The following OPA1 variants were observed in gnomAD, a reference collection of about 807,000 sequenced individuals.
OPA1 encodes the protein OPA1 mitochondrial dynamin like GTPase.
In OPA1, 59 loss-of-function variants were observed where a neutral mutation model predicts 152.9. The ratio of observed to expected loss-of-function variants is 0.39; its 90% CI spans 0.31 to 0.48. The LOEUF (loss-of-function observed/expected upper bound fraction) is 0.48. OPA1 is among the 20% of genes least tolerant of loss of function. The probability of loss-of-function intolerance (pLI) is 0.96; values close to 1 mark genes in which losing one functional copy is unlikely to be tolerated. For synonymous variants in OPA1, 400 were observed against 389.9 expected, an observed-to-expected ratio of 1.03 and a Z score of -0.31; for missense variants, 1,008 against 1,216.8, an observed-to-expected ratio of 0.83 and a Z score of 2.55.
intron 7 of OPA1, among the ~76,000 whole-genome samples, chr3:193,629,810 G>T (rs1184409184): frequency 1.3e-5 from 2 of 151,644 alleles, no homozygotes; most frequent in East Asian, 3.9e-4. Flanking sequence ...TTGTTTAATT[G>T]TATTAGTTTT....
At chr3:193,631,869 T>C in intron 8 of OPA1, 1 of 597,488 alleles carries the variant, frequency 1.7e-6, no homozygotes, top group African/African-American at 1.9e-5. Context: ...AACTCATTTA[T>C]ATGTAAAAAC....
At chr3:193,616,086 A>G (rs929121331) in intron 3 of OPA1, among the ~76,000 whole-genome samples, 1 of 152,066 alleles carries the variant, frequency 6.6e-6, no homozygotes, top group Admixed American at 6.5e-5. Context: ...TGGAATCATA[A>G]CTCACTGCAG....
chr3:193,659,785 C>T (rs1714784964), intron 25 of OPA1, among the ~76,000 whole-genome samples: 1 of 152,006 alleles, frequency 6.6e-6, no homozygotes, highest in African/African-American at 2.4e-5. Context: ...AGAGATGAAA[C>T]ATGCCCCTTT....
chr3:193,656,956 C>A (rs1432650847), intron 22 of OPA1, 124 bp from the exon 23 acceptor site: 1 of 858,098 alleles, frequency 1.2e-6, no homozygotes, highest in Non-Finnish European at 1.8e-6. Flanking sequence ...TGTAGTTTCA[C>A]ATATATTTTC....
At chr3:193,620,738 T>C (rs1007225445) in intron 6 of OPA1, among the ~76,000 whole-genome samples, 1 of 152,198 alleles carries the variant, frequency 6.6e-6, no homozygotes, top group African/African-American at 2.4e-5. Flanking sequence ...TATCCAAAAA[T>C]GTGTCTCAAG....
Position 193,605,298 on chromosome 3 carries a change from T to C in OPA1, c.33-9425T>C, listed in dbSNP as rs74974005. 2.8e-3 allele frequency among the ~76,000 whole-genome samples: 431 copies of C among 152,328 alleles called. 3 individuals are homozygous for C. Among genetic ancestry groups the C allele is most frequent in the South Asian group, 0.017 (82 of 4,826 alleles). ...ATCTTGGTATTACAATTTTATTAAT[T>C]GCCTGTAAATCTGGAACAAATCTCC... On this transcript the variant is annotated intron_variant, in intron 1 of 30. Transcript: ENST00000361510.
Position 193,645,637 on chromosome 3 carries a change from T to C in OPA1, c.1681+12T>C, listed in dbSNP as rs1258438783. ...TGTAACAGGAAAAGGTATGCAAAGATGGATTATAATAACTTATTTTTAGTT... is the reference window on the plus strand; with the variant it reads ...TGTAACAGGAAAAGGTATGCAAAGACGGATTATAATAACTTATTTTTAGTT... On this transcript the variant is annotated intron_variant, in intron 17 of 30. Transcript: ENST00000361510. 1 of 1,608,958 alleles carries C rather than the reference T, an allele frequency of 6.2e-7. No individual in the cohort carries two copies.
In OPA1 at chr3:193,597,632, A is replaced by G. The variant is rs894889811; in HGVS notation, c.32+4223A>G. On this transcript the variant is annotated intron_variant, in intron 1 of 30. Transcript: ENST00000361510. ...CTTGAGCCCCAGAGGCGGAGGTTGC[A>G]GTGAGCAGAGATCGAGCCACTGCAC... Among the ~76,000 whole-genome samples, 5 of 149,956 alleles carry G rather than the reference A, an allele frequency of 3.3e-5. No homozygotes were observed. In the East Asian group the frequency reaches 6.0e-4, roughly 18 times the overall value.
intron 8 of OPA1, 52 bp downstream of exon 8, chr3:193,631,717 T>G: frequency 1.2e-5 from 17 of 1,421,474 alleles, no homozygotes; most frequent in Middle Eastern, 1.8e-4. Context: ...TATATTCGAA[T>G]GTAACTTTGG....
intron 29 of OPA1, among the ~76,000 whole-genome samples, chr3:193,680,258 C>G (rs1189002181): frequency 2.0e-5 from 3 of 152,236 alleles, no homozygotes; most frequent in East Asian, 3.9e-4. Context: ...AAGAATCATT[C>G]TCATGATTCA....
intron 21 of OPA1, among the ~76,000 whole-genome samples, chr3:193,653,941 C>T (rs1039947289): frequency 1.3e-5 from 2 of 152,070 alleles, no homozygotes; most frequent in East Asian, 1.9e-4. Flanking sequence ...CTAGAACTCT[C>T]ATTCTCTGCT....
chr3:193,668,569 C>T lies in OPA1; in HGVS notation c.2983+1289C>T, dbSNP rs551185941. ...TTCCTCACCTGAAGCCAGACCATGC[C>T]TTTGTGGAGATACCCTCTTTACCCT... On this transcript the variant is annotated intron_variant, in intron 29 of 30. Transcript: ENST00000361510. 2.7e-5 allele frequency: 42 copies of T among 1,547,134 alleles called. No individual in the cohort carries two copies. The Middle Eastern group carries it at 5.0e-4, about 18-fold the overall frequency.
At chr3:193,657,396 C>G (rs559064193) in intron 23 of OPA1, among the ~76,000 whole-genome samples, 164 bp downstream of exon 23, 44 of 152,232 alleles carry the variant, frequency 2.9e-4, no homozygotes, top group African/African-American at 1.0e-3. Flanking sequence ...TAATATTTCC[C>G]TGCCCTTCTA....
At chr3:193,623,322 A>G (rs937713110) in intron 6 of OPA1, among the ~76,000 whole-genome samples, 6 of 152,212 alleles carry the variant, frequency 3.9e-5, no homozygotes, top group Non-Finnish European at 7.3e-5. Flanking sequence ...TTCAGACCAT[A>G]GTATAATATT....
intron 11 of OPA1, among the ~76,000 whole-genome samples, chr3:193,640,456 C>T (rs62287175): frequency 0.043 from 6,576 of 152,262 alleles, 205 homozygotes; most frequent in South Asian, 0.13. Flanking sequence ...AGAAACCAGT[C>T]GTTGAGTTCA....
intron 21 of OPA1, 147 bp from the exon 22 acceptor site, chr3:193,654,715 T>C: frequency 1.4e-6 from 1 of 731,296 alleles, no homozygotes; most frequent in East Asian, 2.8e-5. Flanking sequence ...TCTTGACTGG[T>C]GCGATTTACA....
chr3:193,621,176 A>G (rs187773601), intron 6 of OPA1, among the ~76,000 whole-genome samples: 169 of 152,366 alleles, frequency 1.1e-3, no homozygotes, highest in African/African-American at 3.8e-3. Flanking sequence ...CAGCTTTTTA[A>G]AAAAGTAATA....
intron 6 of OPA1, chr3:193,624,185 A>T (rs573803855): frequency 4.6e-5 from 7 of 152,308 alleles, no homozygotes; most frequent in Non-Finnish European, 8.8e-5. Flanking sequence ...GAAATGTGGA[A>T]TATGGCTGAT....
At chr3:193,594,744 A>G (rs1577100117) in intron 1 of OPA1, among the ~76,000 whole-genome samples, 2 of 152,214 alleles carry the variant, frequency 1.3e-5, no homozygotes, top group South Asian at 4.1e-4. Flanking sequence ...ATGAGATAAC[A>G]ATAGTTAACA....
Sources: allele counts gnomAD v4.1 joint callset (sites outside exome capture counted in the v4.1 genomes callset), GRCh38; gene constraint gnomAD v4.1.1; transcripts MANE v1.5; gene names NCBI Gene and HGNC (gene_info 2026-07-23, HGNC 2026-07-21).